CDH9: variants seen among roughly 807,000 people sequenced by gnomAD.
CDH9 encodes the protein cadherin-9.
Under a neutral mutation model 70.9 loss-of-function variants are expected in CDH9, and 28 were observed. That is an observed-to-expected ratio of 0.40 (90% CI 0.29 to 0.54). The LOEUF is 0.54. Among genes scored for constraint, CDH9 ranks in the 20% least tolerant of loss-of-function variants. CDH9 has a pLI of 0.59. For synonymous variants in CDH9, 409 were observed against 343.1 expected (o/e 1.19, Z -2.12); for missense variants, 874 against 984.4 (o/e 0.89, Z 1.50).
At chr5:26,935,039 G>T (rs540608288) in intron 2 of CDH9, among the ~76,000 whole-genome samples, 1 of 151,864 alleles carries the variant, frequency 6.6e-6, no homozygotes. Flanking sequence ...ATTACAACAT[G>T]ACCAATTGGG....
At chr5:26,908,107 A>G (rs746096978) in intron 3 of CDH9, among the ~76,000 whole-genome samples, 3 of 152,180 alleles carry the variant, frequency 2.0e-5, no homozygotes, top group Non-Finnish European at 4.4e-5. Context: ...TTAGCATAAC[A>G]ATGACAACTT....
At position 27,014,307 on chromosome 5, in the gene CDH9, TA is replaced by T. The variant is rs565049037; in HGVS notation, c.-50+24155del. ...TTCTGAAGCTCTAATATTTCTATAT[TA>T]ACCCCTTCCGACCAAGTATCTGAAG... is the stretch of plus-strand genomic sequence containing the variant. On this transcript the variant is annotated intron_variant, in intron 1 of 11. Transcript: ENST00000231021. 1.5e-3 allele frequency among the ~76,000 whole-genome samples: 235 copies of T among 152,104 alleles called. 1 individual carries two copies. The highest frequency in any genetic ancestry group is 1.6e-3 in the Non-Finnish European group (109 of 67,942).
chr5:26,979,055 A>T (rs1209857783), intron 2 of CDH9, among the ~76,000 whole-genome samples: 4 of 151,800 alleles, frequency 2.6e-5, no homozygotes, highest in African/African-American at 9.7e-5. Flanking sequence ...TGAACTATAG[A>T]TAAGAATAAA....
intron 1 of CDH9, among the ~76,000 whole-genome samples, chr5:27,009,260 G>C (rs547666427): frequency 6.6e-6 from 1 of 152,208 alleles, no homozygotes; most frequent in Admixed American, 6.6e-5. Context: ...AAAATAACAA[G>C]TTGTAGTTTC....
At chr5:27,020,611 T>G (rs567466800) in intron 1 of CDH9, among the ~76,000 whole-genome samples, 1 of 151,748 alleles carries the variant, frequency 6.6e-6, no homozygotes, top group African/African-American at 2.4e-5. Context: ...AATTATATAT[T>G]TTTTAAGAAA....
At chr5:26,952,344 T>G (rs1334189380) in intron 2 of CDH9, among the ~76,000 whole-genome samples, 1 of 142,514 alleles carries the variant, frequency 7.0e-6, no homozygotes, top group African/African-American at 2.6e-5. Flanking sequence ...GCCGGGCGTC[T>G]TGGCTCACGC....
At chr5:27,020,940 TA>T (rs1743128327) in intron 1 of CDH9, among the ~76,000 whole-genome samples, 1 of 151,816 alleles carries the variant, frequency 6.6e-6, no homozygotes. Context: ...TAAACACTGT[TA>T]TCAAAATATA....
At chr5:26,904,345 G>A (rs549787683) in intron 5 of CDH9, among the ~76,000 whole-genome samples, 1 of 146,472 alleles carries the variant, frequency 6.8e-6, no homozygotes, top group Non-Finnish European at 1.5e-5. Flanking sequence ...TTTTTTGTAG[G>A]TTCAGGCAAG....
chr5:26,988,218 C>A lies in CDH9; in HGVS notation c.116G>T (p.Gly39Val), dbSNP rs1742519605. The A allele has an allele frequency of 2.5e-6, 4 of 1,613,470 alleles. No individual in the cohort carries two copies. The highest frequency in any genetic ancestry group is 1.3e-5 in the African/African-American group (1 of 75,004). Residue 39 changes from glycine (G) to valine (V), a missense_variant, in exon 2 of 12, where the codon GGT (glycine) becomes GTT (valine). Physicochemically the swap from Gly to Val is moderately radical, Grantham distance 109. Coordinates refer to ENST00000231021, the MANE Select transcript of CDH9 (RefSeq NM_016279.4). ...CATTTTACCGTCATCTTTTGTCAGA[C>A]CCGCTATCTTTTTGCTTGATAAATA... ...NSYLSSKKIA[G>V]LTKDDGKMLR...
At chr5:26,892,886 A>G (rs1018867400) in intron 7 of CDH9, among the ~76,000 whole-genome samples, 1 of 151,612 alleles carries the variant, frequency 6.6e-6, no homozygotes, top group African/African-American at 2.4e-5. Flanking sequence ...GCCCACCACC[A>G]TGTCCGGCTA....
chr5:26,963,989 C>T (rs1427919622), intron 2 of CDH9, among the ~76,000 whole-genome samples: 1 of 151,988 alleles, frequency 6.6e-6, no homozygotes, highest in Non-Finnish European at 1.5e-5. Flanking sequence ...AGGTCCAAGG[C>T]AGATTTAACA....
chr5:26,974,405 G>A (rs114765617), intron 2 of CDH9, among the ~76,000 whole-genome samples: 70 of 151,792 alleles, frequency 4.6e-4, no homozygotes, highest in African/African-American at 1.6e-3. Flanking sequence ...AAAGATATTC[G>A]CCTGTTCATT....
chr5:26,995,359 G>GT (rs1426649943), intron 1 of CDH9, among the ~76,000 whole-genome samples: 4 of 152,080 alleles, frequency 2.6e-5, no homozygotes, highest in East Asian at 1.9e-4. Flanking sequence ...AACATTCAGG[G>GT]TTTTTTTCCC....
In CDH9 at chr5:27,006,563, C is replaced by T. The variant is rs1466626249; in HGVS notation, c.-49-18181G>A. 4.6e-5 allele frequency among the ~76,000 whole-genome samples: 7 copies of T among 152,094 alleles called. No homozygotes were observed. In the East Asian group the frequency reaches 5.8e-4, roughly 13 times the overall value. ...CTCTGGAGTAATATCTGCTCCCAAC[C>T]GGTGTTTCTTCAGGGCCAGGATGTG... On this transcript the variant is annotated intron_variant, in intron 1 of 11. Transcript: ENST00000231021.
At chr5:26,959,149 A>T (rs1741992658) in intron 2 of CDH9, among the ~76,000 whole-genome samples, 1 of 152,162 alleles carries the variant, frequency 6.6e-6, no homozygotes, top group African/African-American at 2.4e-5. Context: ...GAACTCTTAG[A>T]ACTCAAGAAC....
At chr5:26,923,934 C>T (rs1345561070) in intron 2 of CDH9, among the ~76,000 whole-genome samples, 2 of 151,858 alleles carry the variant, frequency 1.3e-5, no homozygotes, top group African/African-American at 2.4e-5. Flanking sequence ...GCAATAAGCA[C>T]TTATATCAAA....
intron 9 of CDH9, among the ~76,000 whole-genome samples, chr5:26,889,228 ATT>A (rs34707351): frequency 2.3e-4 from 35 of 151,882 alleles, no homozygotes; most frequent in South Asian, 1.5e-3. Flanking sequence ...AAAATACTAC[ATT>A]TTTTTGTCAA....
At chr5:27,003,324 AT>A (rs1311224584) in intron 1 of CDH9, among the ~76,000 whole-genome samples, 1 of 152,158 alleles carries the variant, frequency 6.6e-6, no homozygotes, top group Non-Finnish European at 1.5e-5. Flanking sequence ...TTAAAAATGA[AT>A]TCTAAATAAT....
At chr5:26,954,686 A>G (rs62346444) in intron 2 of CDH9, among the ~76,000 whole-genome samples, 7,122 of 152,164 alleles carry the variant, frequency 0.047, 234 homozygotes, top group Non-Finnish European at 0.072. Flanking sequence ...GCCCAGCTCT[A>G]TAACAGCCTT....
Sources: gnomAD v4.1 joint callset for allele counts (sites outside exome capture counted in the v4.1 genomes callset) on GRCh38, gnomAD v4.1.1 for gene constraint, MANE v1.5 for transcripts, NCBI Gene and HGNC (gene_info 2026-07-23, HGNC 2026-07-21) for gene names.